The following PRKN variants were observed in gnomAD, a reference collection of about 807,000 sequenced individuals.
PRKN encodes the protein E3 ubiquitin-protein ligase parkin.
PRKN carries 56 observed loss-of-function variants against 59.5 expected under a neutral mutation model. That is an observed-to-expected ratio of 0.94 (90% CI 0.76 to 1.18). The LOEUF (loss-of-function observed/expected upper bound fraction) is 1.18. Among genes scored for constraint, PRKN ranks in the 50% most tolerant of loss-of-function variants. PRKN has a pLI of 0.00. For missense variants in PRKN, 657 were observed against 596.4 expected (o/e 1.10, Z -1.06); for synonymous variants, 250 against 222.1 (o/e 1.13, Z -1.12).
At chr6:161,816,503 T>G (rs1341180980) in intron 6 of PRKN, among the ~76,000 whole-genome samples, 1 of 152,182 alleles carries the variant, frequency 6.6e-6, no homozygotes. Flanking sequence ...GTGTGTTTTA[T>G]CACACACCAC....
intron 1 of PRKN, among the ~76,000 whole-genome samples, chr6:162,583,473 A>T (rs1320259171): frequency 6.6e-6 from 1 of 152,198 alleles, no homozygotes; most frequent in Non-Finnish European, 1.5e-5. Flanking sequence ...TGAATATAAT[A>T]GTCTCATATC....
intron 9 of PRKN, among the ~76,000 whole-genome samples, chr6:161,450,075 G>A (rs1449785435): frequency 1.3e-5 from 2 of 152,160 alleles, no homozygotes; most frequent in Non-Finnish European, 2.9e-5. Flanking sequence ...AATACATGGG[G>A]AACTGAAAAT....
At chr6:161,559,197 A>G (rs1265883947) in intron 8 of PRKN, among the ~76,000 whole-genome samples, 1 of 152,008 alleles carries the variant, frequency 6.6e-6, no homozygotes, top group African/African-American at 2.4e-5. Context: ...TAGTTGTGGA[A>G]TCTTCTGGAA....
intron 1 of PRKN, among the ~76,000 whole-genome samples, chr6:162,493,712 A>G (rs546041115): frequency 1.2e-4 from 19 of 152,326 alleles, no homozygotes; most frequent in African/African-American, 4.3e-4. Context: ...TCCTTTGACG[A>G]AAGCGTCCAT....
At chr6:162,008,481 G>C (rs983851508) in intron 5 of PRKN, among the ~76,000 whole-genome samples, 5 of 152,156 alleles carry the variant, frequency 3.3e-5, no homozygotes, top group South Asian at 4.1e-4. Flanking sequence ...AGAGAACAGT[G>C]TATCGAAATG....
chr6:162,419,144 G>T (rs528736967), intron 2 of PRKN, among the ~76,000 whole-genome samples: 1 of 151,972 alleles, frequency 6.6e-6, no homozygotes, highest in African/African-American at 2.4e-5. Flanking sequence ...TATTGTCTTG[G>T]CTTGGATGTT....
intron 10 of PRKN, among the ~76,000 whole-genome samples, chr6:161,370,997 G>A (rs1323818095): frequency 3.3e-5 from 5 of 152,160 alleles, no homozygotes; most frequent in South Asian, 4.1e-4. Context: ...TGAGCAGCCC[G>A]CCTCCTGCTG....
intron 1 of PRKN, among the ~76,000 whole-genome samples, chr6:162,559,150 CAAA>C (rs67508754): frequency 9.8e-6 from 1 of 102,224 alleles, no homozygotes; most frequent in Non-Finnish European, 1.9e-5. Context: ...GATTCCGTCT[CAAA>C]AAAAAAAAAA....
chr6:161,440,833 G>A lies in PRKN; in HGVS notation c.1084-53956C>T, dbSNP rs747858476. The stretch of plus-strand genomic sequence containing the variant: ...TTCTGAGGGTTCTTTATTTGTCTTC[G>A]AGAATATTAAAGACCAGCATCTCTC... On this transcript the variant is annotated intron_variant, in intron 9 of 11. Coordinates refer to ENST00000366898, the MANE Select transcript of PRKN (RefSeq NM_004562.3). The surrounding 1 kb of genome is among the most constrained non-coding windows in gnomAD (Gnocchi z 4.1). 1.6e-4 allele frequency among the ~76,000 whole-genome samples: 24 copies of A among 152,062 alleles called. No homozygotes were observed. The highest frequency in any genetic ancestry group is 3.1e-4 in the Non-Finnish European group (21 of 68,012).
intron 1 of PRKN, among the ~76,000 whole-genome samples, chr6:162,621,907 C>T (rs949708611): frequency 3.3e-5 from 5 of 152,108 alleles, no homozygotes; most frequent in East Asian, 1.9e-4. Context: ...CCTCCATCTC[C>T]GGGTTCAATT....
intron 9 of PRKN, among the ~76,000 whole-genome samples, chr6:161,474,250 G>A (rs1345629991): frequency 2.0e-5 from 3 of 152,160 alleles, no homozygotes; most frequent in Non-Finnish European, 4.4e-5. Context: ...ACAGGGCCTG[G>A]TGTGTAATGG....
intron 1 of PRKN, among the ~76,000 whole-genome samples, chr6:162,448,057 C>A (rs4708958): frequency 0.38 from 57,750 of 151,756 alleles, 11,873 homozygotes; most frequent in East Asian, 0.58. Flanking sequence ...CCAAGATAGA[C>A]CATTAACATG....
At chr6:162,319,523 AATT>A (rs1583371205) in intron 2 of PRKN, among the ~76,000 whole-genome samples, 1 of 152,016 alleles carries the variant, frequency 6.6e-6, no homozygotes, top group Non-Finnish European at 1.5e-5. Context: ...CACAACAACA[AATT>A]ATTAACTCAC....
rs540250343 is a variant in PRKN, at chr6:162,190,844, A to G, written c.534+10287T>C. Among the ~76,000 whole-genome samples, 42 of 152,322 alleles carry G rather than the reference A, an allele frequency of 2.8e-4. No homozygotes were observed. In the South Asian group the frequency reaches 6.6e-3, roughly 24 times the overall value. Reference sequence around the variant, plus strand: ...GTTTCCCCAGTGAGATTTTTGAGCCATTCGCTTCTTAAGCACATAAATTAA... The same window carrying G: ...GTTTCCCCAGTGAGATTTTTGAGCCGTTCGCTTCTTAAGCACATAAATTAA... On this transcript the variant is annotated intron_variant, in intron 4 of 11. Transcript: ENST00000366898.
intron 2 of PRKN, among the ~76,000 whole-genome samples, chr6:162,365,462 A>G (rs1457458638): frequency 6.6e-6 from 1 of 152,172 alleles, no homozygotes; most frequent in Non-Finnish European, 1.5e-5. Flanking sequence ...AAATATGTAC[A>G]TCAACTTCAA....
chr6:162,712,356 G>A (rs545610142), intron 1 of PRKN, among the ~76,000 whole-genome samples: 1 of 152,208 alleles, frequency 6.6e-6, no homozygotes, highest in South Asian at 2.1e-4. Context: ...ATGAAGTAAT[G>A]TCTAACCCCA....
At chr6:162,534,066 T>A (rs887748730) in intron 1 of PRKN, among the ~76,000 whole-genome samples, 10 of 152,074 alleles carry the variant, frequency 6.6e-5, no homozygotes, top group Admixed American at 1.3e-4. Flanking sequence ...TCCCAGATGT[T>A]AGTCATACAT....
chr6:161,801,055 A>G (rs1273969603), intron 6 of PRKN, among the ~76,000 whole-genome samples: 1 of 152,122 alleles, frequency 6.6e-6, no homozygotes. Flanking sequence ...TCCCATGACA[A>G]CAACAGTGAA....
chr6:161,640,549 G>A (rs1489715837), intron 7 of PRKN, among the ~76,000 whole-genome samples: 1 of 152,066 alleles, frequency 6.6e-6, no homozygotes, highest in East Asian at 1.9e-4. Context: ...CTACATAATA[G>A]GTTACCTCTT....
Sources: gnomAD v4.1 joint callset for allele counts (sites outside exome capture counted in the v4.1 genomes callset) on GRCh38, gnomAD v4.1.1 for gene constraint, Gnocchi (gnomAD v3.1) non-coding constraint, MANE v1.5 for transcripts, NCBI Gene and HGNC (gene_info 2026-07-23, HGNC 2026-07-21) for gene names.